IQSEC1: variants seen among roughly 807,000 people sequenced by gnomAD.
The protein encoded by IQSEC1 is IQ motif and Sec7 domain ArfGEF 1.
IQSEC1 carries 31 observed loss-of-function variants against 91.0 expected under a neutral mutation model. That is an observed-to-expected ratio of 0.34 (90% CI 0.26 to 0.46). IQSEC1 has a LOEUF of 0.46. IQSEC1 is among the 20% of genes least tolerant of loss of function. The probability of loss-of-function intolerance (pLI) is 1.00; values close to 1 mark genes in which losing one functional copy is unlikely to be tolerated. For synonymous variants in IQSEC1, 699 were observed against 662.6 expected, an observed-to-expected ratio of 1.05 and a Z score of -0.84; for missense variants, 1,388 against 1,575.6, an observed-to-expected ratio of 0.88 and a Z score of 2.02.
rs1216322599 is a variant in IQSEC1, at chr3:13,259,595, G to A, written c.272+23116C>T. ...TAAGCCATAACTGTTTTCACTAAGTGTTCATTAACTTGATGATTGCAGAAG... is the reference window on the plus strand; with the variant it reads ...TAAGCCATAACTGTTTTCACTAAGTATTCATTAACTTGATGATTGCAGAAG... On this transcript the variant is annotated intron_variant, in intron 1 of 15. Transcript: ENST00000648114. The surrounding 1 kb of genome is among the most constrained non-coding windows in gnomAD (Gnocchi z 4.6). Among the ~76,000 whole-genome samples, 1 of 152,208 alleles carries A rather than the reference G, an allele frequency of 6.6e-6. No homozygotes were observed. Among genetic ancestry groups the A allele is most frequent in the African/African-American group, 2.4e-5 (1 of 41,450 alleles).
chr3:13,167,783 G>T (rs1446152915), intron 1 of IQSEC1, among the ~76,000 whole-genome samples: 2 of 152,204 alleles, frequency 1.3e-5, no homozygotes, highest in Non-Finnish European at 2.9e-5. Flanking sequence ...TGCCCCCTTC[G>T]CCATGTGTGC....
Position 12,915,735 on chromosome 3 carries a change from TG to T in IQSEC1, c.2021-3del. On this transcript the variant is annotated splice_region_variant and splice_polypyrimidine_tract_variant and intron_variant, in intron 6 of 13. Coordinates refer to ENST00000613206, the MANE Select transcript of IQSEC1 (RefSeq NM_001134382.3). ...GAATGTCCTCACCATCGTCCACACC[TG>T]GGTAGGGGATGCAGCTGGATATCAG... 1 of 1,613,672 alleles carries T rather than the reference TG, an allele frequency of 6.2e-7. No homozygotes were observed. Among genetic ancestry groups the T allele is most frequent in the East Asian group, 2.2e-5 (1 of 44,864 alleles).
At chr3:13,269,824 C>T (rs181360850) in intron 1 of IQSEC1, among the ~76,000 whole-genome samples, 1 of 152,368 alleles carries the variant, frequency 6.6e-6, no homozygotes, top group African/African-American at 2.4e-5. Flanking sequence ...CAAATTGTCC[C>T]TCCTTCTCCC....
In IQSEC1 at chr3:12,967,506, GGCCGCCGACTCCCGCCAGCGA is replaced by G; in HGVS notation, c.24-25662_24-25642del. The G allele has an allele frequency of 7.0e-7, 1 of 1,432,236 alleles. No individual in the cohort carries two copies. Among genetic ancestry groups the G allele is most frequent in the Non-Finnish European group, 9.1e-7 (1 of 1,100,282 alleles). 88.7% of individuals were successfully genotyped at this position (1,432,236 alleles called of 1,614,324 possible). On this transcript the variant is annotated intron_variant, in intron 1 of 13. Coordinates refer to ENST00000613206, the MANE Select transcript of IQSEC1 (RefSeq NM_001134382.3). This position sits in a 1 kb window ranked among gnomAD's most constrained non-coding sequence, Gnocchi z 5.9. The stretch of plus-strand genomic sequence containing the variant: ...GGAGCCGGGACCCAGGCCCAGCAGA[GGCCGCCGACTCCCGCCAGCGA>G]GCCGCCGGATCCCGGGGCCGACACC...
At chr3:13,037,470 C>T (rs1023233770) in intron 1 of IQSEC1, among the ~76,000 whole-genome samples, 4 of 152,246 alleles carry the variant, frequency 2.6e-5, no homozygotes, top group South Asian at 2.1e-4. Context: ...GAAAATGAAT[C>T]GATGAGATCT....
intron 1 of IQSEC1, among the ~76,000 whole-genome samples, chr3:12,972,349 T>C (rs1307719520): frequency 6.6e-6 from 1 of 151,352 alleles, no homozygotes; most frequent in Non-Finnish European, 1.5e-5. Flanking sequence ...ATCAAGGGAC[T>C]GAAGGTCTTC....
intron 2 of IQSEC1, among the ~76,000 whole-genome samples, chr3:13,125,525 G>T (rs1399377591): frequency 6.6e-6 from 1 of 152,256 alleles, no homozygotes; most frequent in African/African-American, 2.4e-5. Context: ...GCCCGCCAGA[G>T]CTGGCAGTGC....
At chr3:12,903,999 C>T (rs1032387731) in intron 12 of IQSEC1, among the ~76,000 whole-genome samples, 2 of 148,614 alleles carry the variant, frequency 1.3e-5, no homozygotes, top group Non-Finnish European at 2.9e-5. Flanking sequence ...CAGAGCTGGA[C>T]CCTAGGCCGG....
At chr3:12,934,195 G>A (rs928541580) in intron 3 of IQSEC1, among the ~76,000 whole-genome samples, 13 of 152,340 alleles carry the variant, frequency 8.5e-5, no homozygotes, top group African/African-American at 3.1e-4. Context: ...CAAGCCACAG[G>A]CAGATCACAG....
At chr3:13,061,930 G>C (rs1382228827) in intron 1 of IQSEC1, among the ~76,000 whole-genome samples, 1 of 152,216 alleles carries the variant, frequency 6.6e-6, no homozygotes, top group Non-Finnish European at 1.5e-5. Context: ...GCTCCTCTTG[G>C]GGATGGAGAT....
At chr3:13,198,489 C>T (rs1157517690) in intron 1 of IQSEC1, among the ~76,000 whole-genome samples, 1 of 152,064 alleles carries the variant, frequency 6.6e-6, no homozygotes, top group African/African-American at 2.4e-5. Flanking sequence ...GCAGATTTCA[C>T]GCAGCTCAGC....
rs1160978030 is a variant in IQSEC1 at position 12,970,313 on chromosome 3, G to C, written c.24-28448C>G. ...TTTTGGGTTGGACCTTGAGGGATGAGGAGGGCCCCATGTATGGGGTCACAG... is the reference window on the plus strand; with the variant it reads ...TTTTGGGTTGGACCTTGAGGGATGACGAGGGCCCCATGTATGGGGTCACAG... On this transcript the variant is annotated intron_variant, in intron 1 of 13. Transcript: ENST00000613206. The surrounding 1 kb of genome is among the most constrained non-coding windows in gnomAD (Gnocchi z 4.4). Among the ~76,000 whole-genome samples the C allele has an allele frequency of 6.6e-6, 1 of 152,188 alleles. No homozygotes were observed. The highest frequency in any genetic ancestry group is 2.4e-5 in the African/African-American group (1 of 41,442).
In IQSEC1 at chr3:13,162,812, C is replaced by A. The variant is rs558272332; in HGVS notation, c.302+1292G>T. ...TGTGTTCCAGGGTGGAGCCATGTGG[C>A]GGTGCACACCTCAGGCTGCAAGGGG... On this transcript the variant is annotated intron_variant, in intron 2 of 15. Transcript: ENST00000648114. 3.9e-5 allele frequency among the ~76,000 whole-genome samples: 6 copies of A among 152,252 alleles called. No individual in the cohort carries two copies. The South Asian group carries it at 8.3e-4, about 21-fold the overall frequency.
At chr3:13,109,129 G>A (rs552243014) in intron 2 of IQSEC1, among the ~76,000 whole-genome samples, 52 of 152,266 alleles carry the variant, frequency 3.4e-4, no homozygotes, top group African/African-American at 9.6e-4. Context: ...GGGGAATCGC[G>A]GGGTGGTGTA....
chr3:13,128,738 G>A (rs755087644), intron 2 of IQSEC1, among the ~76,000 whole-genome samples: 9 of 152,060 alleles, frequency 5.9e-5, no homozygotes, highest in East Asian at 1.9e-4. Context: ...AGAGCCGGGC[G>A]TGGTGGCGGG....
intron 2 of IQSEC1, among the ~76,000 whole-genome samples, chr3:13,123,191 C>T (rs1018482709): frequency 3.9e-5 from 6 of 152,222 alleles, no homozygotes; most frequent in African/African-American, 1.4e-4. Flanking sequence ...TGGCTCAACA[C>T]GGAAGGCCTT....
rs368396603 is a variant in IQSEC1, at chr3:13,169,172, A to G, written c.273-5039T>C. 8.5e-5 allele frequency among the ~76,000 whole-genome samples: 13 copies of G among 152,334 alleles called. No homozygotes were observed. The East Asian group carries it at 9.6e-4, about 11-fold the overall frequency. ...GGACCCAGTGGCAGGCAATTAAATC[A>G]TGGGGGCAGGTCTTTCCCATGCTGT... On this transcript the variant is annotated intron_variant, in intron 1 of 15. Coordinates refer to the IQSEC1 transcript ENST00000648114.
chr3:13,018,715 C>T (rs936115629), intron 1 of IQSEC1, among the ~76,000 whole-genome samples: 1 of 152,196 alleles, frequency 6.6e-6, no homozygotes. Flanking sequence ...TATCCCCACA[C>T]GCATCTCACA....
At chr3:12,921,180 G>A (rs1019495467) in intron 5 of IQSEC1, among the ~76,000 whole-genome samples, 5 of 152,144 alleles carry the variant, frequency 3.3e-5, no homozygotes, top group Admixed American at 1.3e-4. Flanking sequence ...TGGTGACCTC[G>A]TGGAGGGGCA....
Sources: gnomAD v4.1 joint callset for allele counts (sites outside exome capture counted in the v4.1 genomes callset) on GRCh38, gnomAD v4.1.1 for gene constraint, Gnocchi (gnomAD v3.1) non-coding constraint, MANE v1.5 for transcripts, NCBI Gene and HGNC (gene_info 2026-07-23, HGNC 2026-07-21) for gene names.